Variants in CEACAM1 observed in about 807,000 individuals in gnomAD.
CEACAM1 encodes the protein cell adhesion molecule CEACAM1.
Under a neutral mutation model 49.1 loss-of-function variants are expected in CEACAM1, and 31 were observed. That is an observed-to-expected ratio of 0.63 (90% CI 0.47 to 0.85). CEACAM1 has a LOEUF of 0.85. Ranked by LOEUF, CEACAM1 falls within the 40% of genes least tolerant of loss-of-function variation. The probability of loss-of-function intolerance (pLI) is 0.00; values close to 1 mark genes in which losing one functional copy is unlikely to be tolerated. For missense variants in CEACAM1, 570 were observed against 645.3 expected, an observed-to-expected ratio of 0.88 and a Z score of 1.26; for synonymous variants, 244 against 247.8, an observed-to-expected ratio of 0.98 and a Z score of 0.14.
chr19:42,509,122 A>G lies in CEACAM1; in HGVS notation c.1568T>C (p.Val523Ala), dbSNP rs564140577. ...GGACAGGTTTCATTACTGCTTTTTT[A>G]CTTCTGAATAAATTATTTCTGTGGC... ...LTATEIIYSE[V>A]KKQ The change falls in exon 9 of 9, where the codon GTA (valine) becomes GCA (alanine). Residue 523 changes from valine to alanine, a missense_variant. By Grantham distance (64) the Val-to-Ala change is moderately conservative. Coordinates refer to ENST00000161559, the MANE Select transcript of CEACAM1 (RefSeq NM_001712.5). The G allele has an allele frequency of 6.1e-5, 99 of 1,614,014 alleles. No homozygotes were observed. Among genetic ancestry groups the G allele is most frequent in the Non-Finnish European group, 8.3e-5 (98 of 1,180,004 alleles).
chr19:42,523,364 A>T (rs2041807995), intron 2 of CEACAM1, among the ~76,000 whole-genome samples: 1 of 152,200 alleles, frequency 6.6e-6, no homozygotes, highest in African/African-American at 2.4e-5. Flanking sequence ...CAGAACCACA[A>T]GGTGGGGCAG....
At chr19:42,513,916 AT>A (rs1324290339) in intron 5 of CEACAM1, among the ~76,000 whole-genome samples, 1 of 123,264 alleles carries the variant, frequency 8.1e-6, no homozygotes, top group African/African-American at 4.5e-5. Context: ...ATATATATAT[AT>A]AATATATAAA....
rs370873164 is a variant in CEACAM1, at chr19:42,519,094, G to A, written c.1100C>T (p.Pro367Leu). Residue 367 changes from proline to leucine, a missense_variant, in exon 5 of 9, where the codon CCG becomes CTG. Pro to Leu is a moderately conservative substitution (Grantham distance 98). Coordinates refer to ENST00000161559, the MANE Select transcript of CEACAM1 (RefSeq NM_001712.5). ...GGACAGCTTCATCCTCTCCGAGGAC[G>A]GGAGACTCTGGTTTTTGAAGAACCA... The part of the protein sequence containing the change: ...IRWFFKNQSL[P>L]SSERMKLSQG... The A allele has an allele frequency of 3.4e-5, 55 of 1,614,000 alleles. 1 individual carries two copies. The South Asian group carries it at 4.4e-4, about 13-fold the overall frequency.
chr19:42,521,989 T>G lies in CEACAM1; in HGVS notation c.638A>C (p.Tyr213Ser), dbSNP rs550395240. Residue 213 changes from tyrosine to serine, a missense_variant, in exon 3 of 9, where the codon TAT (tyrosine) becomes TCT (serine). Physicochemically the swap from Tyr to Ser is moderately radical, Grantham distance 144. Coordinates refer to ENST00000161559, the MANE Select transcript of CEACAM1 (RefSeq NM_001712.5). ...CACTGGGTTCTGTATTTCACACTCA[T>G]AGGGTCCTGTGTCATTCCTTGTGAC... ...LSVTRNDTGP[Y>S]ECEIQNPVSA... The G allele has an allele frequency of 1.9e-6, 3 of 1,614,120 alleles. No homozygotes were observed. The African/African-American group carries it at 4.0e-5, about 22-fold the overall frequency.
At position 42,509,226 on chromosome 19, in the gene CEACAM1, C is replaced by T. The variant is rs2041395428; in HGVS notation, c.1464G>A (p.Met488Ile). ...QDHSNDPPNK[M>I]NEVTYSTLNF... ...TCAGGGTAGAATAAGTAACTTCATT[C>T]ATCTGAAAAGCACAAATAATGATCA... The change falls in exon 9 of 9, where the codon ATG becomes ATA. Residue 488 changes from methionine (M) to isoleucine (I), a missense_variant and splice_region_variant. Transcript: ENST00000161559. 5 of 1,606,972 alleles carry T rather than the reference C, an allele frequency of 3.1e-6. No individual in the cohort carries two copies. Among genetic ancestry groups the T allele is most frequent in the Non-Finnish European group, 4.3e-6 (5 of 1,176,398 alleles).
At chr19:42,512,595 T>C (rs2041486726) in intron 5 of CEACAM1, 116 bp from the exon 6 acceptor site, 1 of 1,049,690 alleles carries the variant, frequency 9.5e-7, no homozygotes, top group African/African-American at 1.6e-5. Flanking sequence ...GAATACAGTT[T>C]CGTTGTGGGA....
In CEACAM1 at chr19:42,519,219, T is replaced by C. The variant is rs112668176; in HGVS notation, c.975A>G (p.Val325=). 8.1e-6 allele frequency: 13 copies of C among 1,614,106 alleles called. No individual in the cohort carries two copies. The African/African-American group carries it at 9.3e-5, about 12-fold the overall frequency. ...TGCTGGCTTTGATTTGGGGCTTTGC[T>C]ACTACTGGACTTAGCTCTGTGGACA... The part of the protein sequence containing the change: ...TIIVTELSPV[V]AKPQIKASKT... The change falls in exon 5 of 9, where the codon GTA becomes GTG. Residue 325 remains valine, a synonymous_variant. Coordinates refer to ENST00000161559, the MANE Select transcript of CEACAM1 (RefSeq NM_001712.5).
chr19:42,519,710 A>G (rs1436411882), intron 4 of CEACAM1, among the ~76,000 whole-genome samples: 2 of 151,604 alleles, frequency 1.3e-5, no homozygotes, highest in Non-Finnish European at 1.5e-5. Context: ...GCTGGGACTA[A>G]AGGCATGTGC....
chr19:42,511,258 C>G, intron 7 of CEACAM1: 1 of 570,064 alleles, frequency 1.8e-6, no homozygotes, highest in Non-Finnish European at 3.1e-6. Flanking sequence ...AAAGTCTCAC[C>G]AAGGGAGAGT....
rs977702094 is a variant in CEACAM1 at position 42,508,901 on chromosome 19, T to G, written c.*208A>C. ...AATTTCAATGACAAGAAGGTTGGGT[T>G]TCCTACAGACTCCCAATGTACTTTC... On this transcript the variant is annotated 3_prime_UTR_variant, in exon 9 of 9. Transcript: ENST00000161559. 1.9e-6 allele frequency: 1 copy of G among 517,094 alleles called. No homozygotes were observed. Among genetic ancestry groups the G allele is most frequent in the African/African-American group, 2.0e-5 (1 of 49,876 alleles). 32.0% of individuals were successfully genotyped at this position (517,094 alleles called of 1,614,324 possible).
intron 5 of CEACAM1, among the ~76,000 whole-genome samples, chr19:42,513,901 T>C (rs953596787): frequency 2.2e-5 from 3 of 133,532 alleles, no homozygotes; most frequent in Non-Finnish European, 4.6e-5. Context: ...TCCATATATA[T>C]ATATATATAT....
intron 5 of CEACAM1, among the ~76,000 whole-genome samples, chr19:42,513,866 G>T (rs2041524849): frequency 7.4e-6 from 1 of 135,618 alleles, no homozygotes; most frequent in Non-Finnish European, 1.5e-5. Flanking sequence ...ATGTCCCAGT[G>T]GGTTTCTTGT....
rs111407700 is a variant in CEACAM1 at position 42,516,192 on chromosome 19, G to GA, written c.1246+2755dup. 4.1e-4 allele frequency among the ~76,000 whole-genome samples: 61 copies of GA among 149,656 alleles called. 2 individuals carry two copies. The highest frequency in any genetic ancestry group is 2.1e-3 in the Admixed American group (31 of 15,078). On this transcript the variant is annotated intron_variant, in intron 5 of 8. Coordinates refer to ENST00000161559, the MANE Select transcript of CEACAM1 (RefSeq NM_001712.5). Reference sequence around the variant, plus strand: ...AGACCTAGACAGAACAATTAGGCAAGAAAAAAAAAGCATCTAGATTGGAAA... The same window carrying GA: ...AGACCTAGACAGAACAATTAGGCAAGAAAAAAAAAAGCATCTAGATTGGAAA...
intron 4 of CEACAM1, 21 bp downstream of exon 4, chr19:42,521,246 G>T (rs1171250955): frequency 6.2e-7 from 1 of 1,611,466 alleles, no homozygotes; most frequent in Non-Finnish European, 8.5e-7. Context: ...TCTTAGTGTT[G>T]ATGCTCCAGG....
In CEACAM1 at chr19:42,522,054, C is replaced by T. The variant is rs202036573; in HGVS notation, c.573G>A (p.Leu191=). The T allele has an allele frequency of 2.4e-5, 38 of 1,614,232 alleles. No homozygotes were observed. Among genetic ancestry groups the T allele is most frequent in the Non-Finnish European group, 3.1e-5 (37 of 1,180,042 alleles). Residue 191 remains leucine, a synonymous_variant, in exon 3 of 9, where the codon CTG becomes CTA. Transcript: ENST00000161559. The part of the protein sequence containing the change: ...NNQSLPVSPR[L]QLSNGNRTLT... Reference sequence around the variant, plus strand: ...GGGTCCTGTTGCCATTGGACAGCTGCAGCCTGGGACTGACCGGGAGGCTCT... The same window carrying T: ...GGGTCCTGTTGCCATTGGACAGCTGTAGCCTGGGACTGACCGGGAGGCTCT...
chr19:42,525,255 C>T (rs1406648867), intron 2 of CEACAM1, among the ~76,000 whole-genome samples: 2 of 144,652 alleles, frequency 1.4e-5, no homozygotes, highest in African/African-American at 5.3e-5. Context: ...GATAGAGTCT[C>T]ACTCTGTCTC....
At position 42,521,283 on chromosome 19, in the gene CEACAM1, C is replaced by T. The variant is rs1452599677; in HGVS notation, c.942G>A (p.Lys314=). 6.2e-7 allele frequency: 1 copy of T among 1,614,226 alleles called. No individual in the cohort carries two copies. The highest frequency in any genetic ancestry group is 1.7e-5 in the Admixed American group (1 of 60,032). ...ATTACTTACCAGTGACTATGATCGT[C>T]TTGACTGTGGTCCTGTTGCAGCCAG... The part of the protein sequence containing the change: ...SVTGCNRTTV[K]TIIVTELSPV... The change falls in exon 4 of 9, where the codon AAG becomes AAA. Residue 314 remains lysine (K), a synonymous_variant. Transcript: ENST00000161559.
chr19:42,515,115 A>T (rs1254879085), intron 5 of CEACAM1: 1 of 618,336 alleles, frequency 1.6e-6, no homozygotes, highest in African/African-American at 1.9e-5. Context: ...TGAAAACAAA[A>T]ATAAAAATAA....
At chr19:42,517,006 A>G (rs2041615827) in intron 5 of CEACAM1, 1 of 253,876 alleles carries the variant, frequency 3.9e-6, no homozygotes, top group South Asian at 3.5e-5. Context: ...GGAATAAAAT[A>G]TAGAGCCCAG....
Sources: gnomAD v4.1 joint callset for allele counts (sites outside exome capture counted in the v4.1 genomes callset) on GRCh38, gnomAD v4.1.1 for gene constraint, MANE v1.5 for transcripts, NCBI Gene and HGNC (gene_info 2026-07-23, HGNC 2026-07-21) for gene names.